Variants in A1CF observed in about 807,000 individuals in gnomAD.
A1CF encodes APOBEC-1 stimulating protein.
In A1CF, 48 loss-of-function variants were observed where a neutral mutation model predicts 68.9. That is an observed-to-expected ratio of 0.70 (90% CI 0.55 to 0.89). The LOEUF is 0.89. A1CF is among the 40% of genes least tolerant of loss of function. A1CF has a pLI of 0.00. For synonymous variants in A1CF, 272 were observed against 260.4 expected, an observed-to-expected ratio of 1.04 and a Z score of -0.43; for missense variants, 653 against 718.9, an observed-to-expected ratio of 0.91 and a Z score of 1.05.
chr10:50,814,013 G>A lies in A1CF; in HGVS notation c.1167C>T (p.Gly389=), dbSNP rs377560793. ...CTGTGTATGCCAAATAGCCACGGCC[G>A]CCCAGTCCTCTCACTCCCGCAGCCC... The part of the protein sequence containing the change: ...VRGAAGVRGL[G]GRGYLAYTGL... Residue 389 remains glycine (G), a synonymous_variant, in exon 10 of 13, where the codon GGC becomes GGT. Coordinates refer to ENST00000373997, the MANE Select transcript of A1CF (RefSeq NM_014576.4). 11 of 1,613,582 alleles carry A rather than the reference G, an allele frequency of 6.8e-6. No individual in the cohort carries two copies. In the Admixed American group the frequency reaches 8.3e-5, roughly 12 times the overall value.
intron 5 of A1CF, among the ~76,000 whole-genome samples, chr10:50,840,665 C>T (rs1284104441): frequency 6.6e-6 from 1 of 152,210 alleles, no homozygotes; most frequent in African/African-American, 2.4e-5. Flanking sequence ...GTCCCATGGT[C>T]TTAATTGCTA....
chr10:50,832,557 C>T (rs1481268887), intron 6 of A1CF, among the ~76,000 whole-genome samples: 1 of 152,156 alleles, frequency 6.6e-6, no homozygotes, highest in African/African-American at 2.4e-5. Context: ...GTGATTTCCA[C>T]CAACATCCTT....
Position 50,883,160 on chromosome 10 carries a change from C to T in A1CF, c.-94+2421G>A, listed in dbSNP as rs1298742406. Among the ~76,000 whole-genome samples, 5 of 152,130 alleles carry T rather than the reference C, an allele frequency of 3.3e-5. No individual in the cohort carries two copies. In the East Asian group the frequency reaches 9.7e-4, roughly 29 times the overall value. On this transcript the variant is annotated intron_variant, in intron 1 of 12. Transcript: ENST00000373997. Reference sequence around the variant, plus strand: ...ATTAGTATTGTTTTGAAAAACAAGGCCTAATAGGTATACTTGGGCAATTTT... The same window carrying T: ...ATTAGTATTGTTTTGAAAAACAAGGTCTAATAGGTATACTTGGGCAATTTT...
intron 1 of A1CF, among the ~76,000 whole-genome samples, chr10:50,872,325 G>C (rs759535415): frequency 6.6e-6 from 1 of 152,048 alleles, no homozygotes; most frequent in African/African-American, 2.4e-5. Flanking sequence ...CCTCATAAAA[G>C]CTCAGTGATG....
intron 1 of A1CF, among the ~76,000 whole-genome samples, chr10:50,871,144 C>CA (rs1289241230): frequency 2.0e-5 from 3 of 151,660 alleles, no homozygotes; most frequent in Non-Finnish European, 4.4e-5. Flanking sequence ...AGTAATGAAA[C>CA]ACCACAATCA....
chr10:50,852,329 G>A (rs1840284459), intron 3 of A1CF, among the ~76,000 whole-genome samples: 1 of 152,156 alleles, frequency 6.6e-6, no homozygotes, highest in South Asian at 2.1e-4. Flanking sequence ...GGATAATGAA[G>A]TTCCCACAAA....
intron 3 of A1CF, among the ~76,000 whole-genome samples, chr10:50,855,114 G>A (rs1417996254): frequency 6.6e-6 from 1 of 151,888 alleles, no homozygotes; most frequent in East Asian, 1.9e-4. Flanking sequence ...GCTCACATAT[G>A]AGAATATATT....
chr10:50,856,019 G>A (rs1840462127), intron 3 of A1CF, among the ~76,000 whole-genome samples: 1 of 151,906 alleles, frequency 6.6e-6, no homozygotes. Context: ...TGAAGTATTA[G>A]TAAGACTAAA....
chr10:50,874,639 C>A (rs964307914), intron 1 of A1CF, among the ~76,000 whole-genome samples: 2 of 152,182 alleles, frequency 1.3e-5, no homozygotes, highest in African/African-American at 4.8e-5. Context: ...CCCATGCCCC[C>A]AAAACTTCAC....
intron 6 of A1CF, among the ~76,000 whole-genome samples, chr10:50,831,341 A>C (rs1839227140): frequency 6.6e-6 from 1 of 152,236 alleles, no homozygotes; most frequent in South Asian, 2.1e-4. Context: ...TGGGAAAAAA[A>C]TATTTACAAA....
At chr10:50,823,849 G>A (rs1194587285) in intron 7 of A1CF, 1 of 152,052 alleles carries the variant, frequency 6.6e-6, no homozygotes, top group Admixed American at 6.6e-5. Flanking sequence ...CTGATACGTG[G>A]TCAAATATTT....
At chr10:50,834,232 C>T (rs1473236114) in intron 6 of A1CF, among the ~76,000 whole-genome samples, 1 of 152,164 alleles carries the variant, frequency 6.6e-6, no homozygotes, top group Admixed American at 6.6e-5. Context: ...CCTTCTTTCA[C>T]TGTCCTACTC....
chr10:50,872,617 C>T (rs1260208849), intron 1 of A1CF, among the ~76,000 whole-genome samples: 3 of 152,106 alleles, frequency 2.0e-5, no homozygotes, highest in African/African-American at 7.2e-5. Context: ...ATGCTGTGGT[C>T]CCCATTCTCT....
chr10:50,844,395 T>C (rs544387200), intron 3 of A1CF, among the ~76,000 whole-genome samples: 9 of 152,190 alleles, frequency 5.9e-5, no homozygotes, highest in African/African-American at 1.9e-4. Context: ...TTTCATTGAG[T>C]AAGAACACTT....
In A1CF at chr10:50,801,632, GT is replaced by G. The variant is rs1217339484; in HGVS notation, c.*5096del. On this transcript the variant is annotated 3_prime_UTR_variant, in exon 13 of 13. Coordinates refer to ENST00000373997, the MANE Select transcript of A1CF (RefSeq NM_014576.4). The stretch of plus-strand genomic sequence containing the variant: ...GGCAGCTTACTTTTTTAAAGATACT[GT>G]TTCTTGGTATCTCCTATTCCCTTAG... 1 of 152,136 alleles carries G rather than the reference GT, an allele frequency of 6.6e-6. No individual in the cohort carries two copies. Among genetic ancestry groups the G allele is most frequent in the African/African-American group, 2.4e-5 (1 of 41,420 alleles). 9.4% of individuals were successfully genotyped at this position (152,136 alleles called of 1,614,324 possible).
In A1CF at chr10:50,811,876, A is replaced by G. The variant is rs566273203; in HGVS notation, c.1324-700T>C. Among the ~76,000 whole-genome samples, 4 of 152,168 alleles carry G rather than the reference A, an allele frequency of 2.6e-5. No individual in the cohort carries two copies. In the South Asian group the frequency reaches 8.3e-4, roughly 32 times the overall value. ...TTCATAGTTTCTTTATTCTGAAGCC[A>G]TTTTTGGTTGTCCAGAGGTCCTGAT... On this transcript the variant is annotated intron_variant, in intron 10 of 12. Transcript: ENST00000373997.
chr10:50,836,654 G>A (rs906019915), intron 5 of A1CF, among the ~76,000 whole-genome samples: 1 of 150,510 alleles, frequency 6.6e-6, no homozygotes, highest in Non-Finnish European at 1.5e-5. Context: ...CTCGTCATTT[G>A]CATTAGGTAT....
At chr10:50,820,035 T>C (rs113138722) in intron 8 of A1CF, among the ~76,000 whole-genome samples, 56 of 152,210 alleles carry the variant, frequency 3.7e-4, no homozygotes, top group Admixed American at 2.7e-3. Flanking sequence ...TGGCTTGATA[T>C]ATAAATATTA....
intron 7 of A1CF, among the ~76,000 whole-genome samples, chr10:50,821,117 A>G (rs997176270): frequency 1.3e-5 from 2 of 152,212 alleles, no homozygotes; most frequent in African/African-American, 4.8e-5. Context: ...ATATTAGGTA[A>G]CTACAGTTCT....
Sources: allele counts gnomAD v4.1 joint callset (sites outside exome capture counted in the v4.1 genomes callset), GRCh38; gene constraint gnomAD v4.1.1; transcripts MANE v1.5; gene names NCBI Gene and HGNC (gene_info 2026-07-23, HGNC 2026-07-21).